Variants in AFAP1 observed in about 807,000 individuals in gnomAD.
The protein encoded by AFAP1 is actin filament-associated protein 1.
Under a neutral mutation model 93.9 loss-of-function variants are expected in AFAP1, and 75 were observed. The observed-to-expected ratio is 0.80, with a 90% CI of 0.66 to 0.97. The LOEUF is 0.97. Ranked by LOEUF, AFAP1 falls within the 50% of genes least tolerant of loss-of-function variation. The probability of loss-of-function intolerance (pLI) is 0.00; values close to 1 mark genes in which losing one functional copy is unlikely to be tolerated. For missense variants in AFAP1, 1,201 were observed against 1,050.8 expected (o/e 1.14, Z -1.98); for synonymous variants, 517 against 430.7 (o/e 1.20, Z -2.48).
intron 11 of AFAP1, among the ~76,000 whole-genome samples, 163 bp downstream of exon 11, chr4:7,793,518 C>T (rs1308260224): frequency 6.6e-6 from 1 of 152,138 alleles, no homozygotes; most frequent in Non-Finnish European, 1.5e-5. Context: ...TGGGCTGACA[C>T]GACAAAAACA....
At chr4:7,906,231 C>A (rs995756946) in intron 1 of AFAP1, among the ~76,000 whole-genome samples, 1 of 152,168 alleles carries the variant, frequency 6.6e-6, no homozygotes, top group East Asian at 1.9e-4. Flanking sequence ...ACCCTATGAC[C>A]TCGCTGAAGG....
chr4:7,840,475 G>A (rs548959398), intron 5 of AFAP1, among the ~76,000 whole-genome samples: 7 of 151,928 alleles, frequency 4.6e-5, no homozygotes, highest in African/African-American at 1.2e-4. Context: ...CACCACACTC[G>A]GCTAATTTTT....
intron 2 of AFAP1, among the ~76,000 whole-genome samples, chr4:7,871,652 G>C (rs78970790): frequency 2.0e-5 from 3 of 152,176 alleles, no homozygotes; most frequent in African/African-American, 4.8e-5. Flanking sequence ...TCCTGCACAC[G>C]AGGAAGAACA....
At chr4:7,919,190 A>T (rs973367165) in intron 1 of AFAP1, among the ~76,000 whole-genome samples, 2 of 152,212 alleles carry the variant, frequency 1.3e-5, no homozygotes, top group Non-Finnish European at 2.9e-5. Context: ...AGTGGAGGGA[A>T]ATTCACACAG....
chr4:7,887,456 C>G (rs1020506251), intron 1 of AFAP1, among the ~76,000 whole-genome samples: 1 of 152,136 alleles, frequency 6.6e-6, no homozygotes, highest in Non-Finnish European at 1.5e-5. Flanking sequence ...TTTTCAAAAT[C>G]TCTGATTTTC....
chr4:7,842,564 T>C (rs1212038704), intron 5 of AFAP1: 2 of 151,806 alleles, frequency 1.3e-5, no homozygotes. Flanking sequence ...CGCCACACCG[T>C]CCTCCCGGAA....
At chr4:7,855,651 G>T in intron 3 of AFAP1, 77 bp from the exon 4 acceptor site, 1 of 1,164,754 alleles carries the variant, frequency 8.6e-7, no homozygotes, top group Non-Finnish European at 1.3e-6. Flanking sequence ...ATTAACAGGT[G>T]TGGCCAGTCT....
At chr4:7,925,387 T>A (rs183248113) in intron 1 of AFAP1, among the ~76,000 whole-genome samples, 193 of 152,344 alleles carry the variant, frequency 1.3e-3, no homozygotes, top group Non-Finnish European at 1.3e-3. Context: ...ACTTCTGAGT[T>A]CATCCAGTAC....
chr4:7,919,220 G>A (rs1201801216), intron 1 of AFAP1, among the ~76,000 whole-genome samples: 4 of 152,196 alleles, frequency 2.6e-5, no homozygotes, highest in African/African-American at 7.2e-5. Context: ...GCCCAACGGC[G>A]GCAACAACAT....
chr4:7,775,177 A>G, intron 14 of AFAP1: 1 of 351,594 alleles, frequency 2.8e-6, no homozygotes, highest in Admixed American at 4.5e-5. Context: ...TAATGGGGTA[A>G]CTCAAAAAGC....
chr4:7,792,104 A>T (rs989191645), intron 11 of AFAP1, among the ~76,000 whole-genome samples: 1 of 152,168 alleles, frequency 6.6e-6, no homozygotes, highest in African/African-American at 2.4e-5. Flanking sequence ...CCTCAAACAC[A>T]TGTAAGCCGG....
At chr4:7,856,240 C>A (rs990223987) in intron 3 of AFAP1, among the ~76,000 whole-genome samples, 8 of 148,064 alleles carry the variant, frequency 5.4e-5, no homozygotes, top group Admixed American at 4.0e-4. Context: ...TAAAACCAAT[C>A]ATGTCACAAT....
At chr4:7,806,439 G>A (rs1378035796) in intron 9 of AFAP1, among the ~76,000 whole-genome samples, 1 of 152,088 alleles carries the variant, frequency 6.6e-6, no homozygotes, top group Non-Finnish European at 1.5e-5. Context: ...TGTGTGGAAG[G>A]GCTGGCATTT....
At chr4:7,893,090 C>T (rs1033004172) in intron 1 of AFAP1, among the ~76,000 whole-genome samples, 27 of 152,008 alleles carry the variant, frequency 1.8e-4, no homozygotes, top group South Asian at 1.0e-3. Context: ...GCCCCGGTGC[C>T]GGGGGGGCAG....
At chr4:7,777,711 C>G (rs1279590758) in intron 14 of AFAP1, 1 of 152,228 alleles carries the variant, frequency 6.6e-6, no homozygotes, top group Non-Finnish European at 1.5e-5. Context: ...ACATCAAACT[C>G]AACATCTGCA....
At position 7,760,152 on chromosome 4, in the gene AFAP1, C is replaced by T. The variant is rs1450847362; in HGVS notation, c.*3613G>A. The T allele has an allele frequency of 2.0e-5, 3 of 152,226 alleles. No homozygotes were observed. The highest frequency in any genetic ancestry group is 4.4e-5 in the Non-Finnish European group (3 of 68,040). The allele number at this position is 152,226 out of a possible 1,614,324, so 9.4% of individuals were successfully genotyped here. A position where few individuals can be genotyped will look rare whatever the true frequency, so the allele number is the denominator to read the frequency against. On this transcript the variant is annotated 3_prime_UTR_variant, in exon 18 of 18. Transcript: ENST00000420658. ...CTGTGGCCATAATGACAATGAACCT[C>T]AAACTCCTTCCTGGGGGTGGCCTCC... is the stretch of plus-strand genomic sequence containing the variant.
At chr4:7,875,902 C>G (rs1326339640) in intron 1 of AFAP1, among the ~76,000 whole-genome samples, 1 of 151,918 alleles carries the variant, frequency 6.6e-6, no homozygotes, top group Non-Finnish European at 1.5e-5. Context: ...GAAAGTAGAA[C>G]AGTGGTTACT....
intron 7 of AFAP1, among the ~76,000 whole-genome samples, chr4:7,818,687 G>A (rs1293345021): frequency 6.6e-6 from 1 of 152,214 alleles, no homozygotes; most frequent in East Asian, 1.9e-4. Context: ...GCAAAGCAAA[G>A]GGAGACAGAG....
At chr4:7,785,519 G>A (rs1002347836) in intron 12 of AFAP1, among the ~76,000 whole-genome samples, 7 of 152,146 alleles carry the variant, frequency 4.6e-5, no homozygotes, top group African/African-American at 1.2e-4. Context: ...TAATCCCATC[G>A]GGAAATAACT....
Sources: allele counts gnomAD v4.1 joint callset (sites outside exome capture counted in the v4.1 genomes callset), GRCh38; gene constraint gnomAD v4.1.1; transcripts MANE v1.5; gene names NCBI Gene and HGNC (gene_info 2026-07-23, HGNC 2026-07-21).